Variants in TNNI3K observed in about 807,000 individuals in gnomAD.
TNNI3K encodes the protein serine/threonine-protein kinase TNNI3K.
In TNNI3K, 140 loss-of-function variants were observed where a neutral mutation model predicts 114.5. The observed-to-expected ratio is 1.22, with a 90% CI of 1.07 to 1.41. The LOEUF (loss-of-function observed/expected upper bound fraction) is 1.41. TNNI3K is among the 40% of genes most tolerant of loss of function. The pLI is 0.00. For missense variants in TNNI3K, 1,125 were observed against 1,007.6 expected (o/e 1.12, Z -1.58); for synonymous variants, 347 against 347.5 (o/e 1.00, Z 0.02).
chr1:74,332,105 G>A (rs1660233156), intron 6 of TNNI3K, among the ~76,000 whole-genome samples: 1 of 151,816 alleles, frequency 6.6e-6, no homozygotes, highest in South Asian at 2.1e-4. Context: ...TTTATTTTCT[G>A]TAATAATATA....
At chr1:74,277,852 T>TTATTCTATCC (rs1285395658) in intron 5 of TNNI3K, among the ~76,000 whole-genome samples, 1 of 152,214 alleles carries the variant, frequency 6.6e-6, no homozygotes, top group African/African-American at 2.4e-5. Context: ...ATAGTTGAAG[T>TTATTCTATCC]TATTCTATCC....
chr1:74,451,016 T>G (rs369229976), intron 20 of TNNI3K, among the ~76,000 whole-genome samples: 2 of 152,282 alleles, frequency 1.3e-5, no homozygotes, highest in South Asian at 4.1e-4. Context: ...CCATCAATTA[T>G]AGATTGGATA....
chr1:74,453,269 T>C (rs1014835290), intron 20 of TNNI3K, among the ~76,000 whole-genome samples: 2 of 152,174 alleles, frequency 1.3e-5, no homozygotes, highest in African/African-American at 4.8e-5. Flanking sequence ...TATTAAAATG[T>C]ATAGTACTTT....
At chr1:74,394,606 T>C (rs192298268) in intron 17 of TNNI3K, among the ~76,000 whole-genome samples, 1 of 152,336 alleles carries the variant, frequency 6.6e-6, no homozygotes, top group East Asian at 1.9e-4. Context: ...GAAAGTTTAC[T>C]AGCCTGCAAA....
intron 20 of TNNI3K, among the ~76,000 whole-genome samples, chr1:74,457,415 T>A (rs961638396): frequency 6.6e-6 from 1 of 152,172 alleles, no homozygotes; most frequent in Admixed American, 6.5e-5. Context: ...GATTGCAATC[T>A]CATGGTCTCT....
chr1:74,406,178 GC>G, intron 17 of TNNI3K, among the ~76,000 whole-genome samples: 1 of 152,162 alleles, frequency 6.6e-6, no homozygotes, highest in East Asian at 1.9e-4. Context: ...TTCCTTTCTG[GC>G]TATCAGCTGA....
chr1:74,282,562 A>G (rs937622529), intron 5 of TNNI3K, among the ~76,000 whole-genome samples: 1 of 152,060 alleles, frequency 6.6e-6, no homozygotes, highest in African/African-American at 2.4e-5. Context: ...TACTTCTTCA[A>G]AGGCTCTATT....
rs371779921 is a variant in TNNI3K, at chr1:74,511,607, A to G, written c.2351+19341A>G. ...GCAGCTCTTATATATTGAATCATGT[A>G]GTAAATATTGGACACCCAATGATGG... On this transcript the variant is annotated intron_variant, in intron 23 of 24. Coordinates refer to ENST00000326637, the MANE Select transcript of TNNI3K (RefSeq NM_015978.3). Among the ~76,000 whole-genome samples, 3 of 152,268 alleles carry G rather than the reference A, an allele frequency of 2.0e-5. No homozygotes were observed. The East Asian group carries it at 5.8e-4, about 29-fold the overall frequency.
intron 21 of TNNI3K, chr1:74,475,157 C>CACAG (rs1491153572): frequency 7.2e-6 from 4 of 551,868 alleles, no homozygotes; most frequent in East Asian, 2.8e-5. Flanking sequence ...CACACACACA[C>CACAG]AGTATTTTTA....
intron 4 of TNNI3K, among the ~76,000 whole-genome samples, chr1:74,255,866 A>T (rs769572002): frequency 3.3e-5 from 5 of 152,180 alleles, no homozygotes; most frequent in Non-Finnish European, 7.4e-5. Flanking sequence ...AAATAAATTT[A>T]TTACATCCAG....
chr1:74,438,733 A>T (rs1219591704), intron 19 of TNNI3K, among the ~76,000 whole-genome samples: 1 of 152,142 alleles, frequency 6.6e-6, no homozygotes, highest in Admixed American at 6.6e-5. Context: ...TAATTTTTTT[A>T]ACTGAAAAAT....
chr1:74,382,606 A>C (rs1663258764), intron 17 of TNNI3K, among the ~76,000 whole-genome samples: 1 of 152,204 alleles, frequency 6.6e-6, no homozygotes, highest in Admixed American at 6.5e-5. Flanking sequence ...TTTGGCCAGC[A>C]TGGAGGAAAG....
intron 4 of TNNI3K, among the ~76,000 whole-genome samples, chr1:74,255,109 T>C (rs574489910): frequency 6.6e-6 from 1 of 152,122 alleles, no homozygotes; most frequent in Non-Finnish European, 1.5e-5. Context: ...AATGCCTAAC[T>C]TTTGGGAGGC....
At chr1:74,368,963 T>C in intron 13 of TNNI3K, 59 bp from the exon 14 acceptor site, 1 of 1,375,662 alleles carries the variant, frequency 7.3e-7, no homozygotes, top group Non-Finnish European at 1.0e-6. Flanking sequence ...TGCACATGTA[T>C]ACACATCCAT....
At chr1:74,497,286 G>A (rs1279351898) in intron 23 of TNNI3K, among the ~76,000 whole-genome samples, 1 of 152,076 alleles carries the variant, frequency 6.6e-6, no homozygotes, top group Non-Finnish European at 1.5e-5. Context: ...CCAGATAACA[G>A]TGGCCATGTC....
chr1:74,534,065 T>A (rs1646628676), intron 23 of TNNI3K, among the ~76,000 whole-genome samples: 2 of 152,096 alleles, frequency 1.3e-5, no homozygotes, highest in South Asian at 4.2e-4. Flanking sequence ...CCCACAGGGG[T>A]TTTATAAAAA....
rs374995577 is a variant in TNNI3K at position 74,282,221 on chromosome 1, G to C, written c.444+10513G>C. Among the ~76,000 whole-genome samples, 36 of 152,006 alleles carry C rather than the reference G, an allele frequency of 2.4e-4. No individual in the cohort carries two copies. The East Asian group carries it at 5.5e-3, about 23-fold the overall frequency. On this transcript the variant is annotated intron_variant, in intron 5 of 24. Coordinates refer to ENST00000326637, the MANE Select transcript of TNNI3K (RefSeq NM_015978.3). ...AAGATGCCAGACATGTGCACACACA[G>C]AGATATGACCATGTCATATCTGCTA... is the stretch of plus-strand genomic sequence containing the variant.
At position 74,477,370 on chromosome 1, in the gene TNNI3K, A is replaced by G. The variant is rs1463131933; in HGVS notation, c.2122-11819A>G. ...GTGACATGTTTAATACAGTGCTTTG[A>G]TTCAGTGAATGTTCATTGTGATTTG... On this transcript the variant is annotated intron_variant, in intron 21 of 24. Transcript: ENST00000326637. Among the ~76,000 whole-genome samples the G allele has an allele frequency of 7.9e-5, 12 of 152,130 alleles. No homozygotes were observed. In the East Asian group the frequency reaches 2.1e-3, roughly 27 times the overall value.
At chr1:74,529,542 G>A (rs989823308) in intron 23 of TNNI3K, among the ~76,000 whole-genome samples, 9 of 152,304 alleles carry the variant, frequency 5.9e-5, no homozygotes, top group South Asian at 2.1e-4. Flanking sequence ...TATAAAAAGC[G>A]TTATTGAGAT....
Sources: gnomAD v4.1 joint callset for allele counts (sites outside exome capture counted in the v4.1 genomes callset) on GRCh38, gnomAD v4.1.1 for gene constraint, MANE v1.5 for transcripts, NCBI Gene and HGNC (gene_info 2026-07-23, HGNC 2026-07-21) for gene names.